NEBL: variants seen among roughly 807,000 people sequenced by gnomAD.
NEBL encodes nebulette.
Under a neutral mutation model 140.2 loss-of-function variants are expected in NEBL, and 122 were observed. That is an observed-to-expected ratio of 0.87 (90% CI 0.75 to 1.01). NEBL has a LOEUF of 1.01. NEBL is among the 50% of genes least tolerant of loss of function. NEBL has a pLI of 0.00. For synonymous variants in NEBL, 436 were observed against 398.9 expected (o/e 1.09, Z -1.11); for missense variants, 1,365 against 1,231.3 (o/e 1.11, Z -1.62).
chr10:21,201,580 T>C (rs933107484), intron 3 of NEBL, among the ~76,000 whole-genome samples: 1 of 148,880 alleles, frequency 6.7e-6, no homozygotes, highest in Admixed American at 7.9e-5. Context: ...GAATATGTAT[T>C]TTTTAAAAAG....
chr10:21,113,552 G>A (rs944306854), intron 2 of NEBL, among the ~76,000 whole-genome samples: 1 of 152,106 alleles, frequency 6.6e-6, no homozygotes, highest in African/African-American at 2.4e-5. Flanking sequence ...TTTCGTTTCT[G>A]TAACAGATGA....
chr10:21,111,994 C>T (rs1243336939), intron 2 of NEBL, among the ~76,000 whole-genome samples: 2 of 152,218 alleles, frequency 1.3e-5, no homozygotes, highest in Non-Finnish European at 2.9e-5. Context: ...AAAAAATGCT[C>T]ATCATCACTG....
At chr10:21,099,151 C>T (rs976153311) in intron 2 of NEBL, among the ~76,000 whole-genome samples, 1 of 152,122 alleles carries the variant, frequency 6.6e-6, no homozygotes, top group Non-Finnish European at 1.5e-5. Flanking sequence ...AAAATAAAAT[C>T]AAAACAGAGT....
intron 5 of NEBL, among the ~76,000 whole-genome samples, chr10:20,877,406 G>C (rs1004928650): frequency 6.6e-6 from 1 of 152,198 alleles, no homozygotes; most frequent in African/African-American, 2.4e-5. Context: ...TAGGAGTTAA[G>C]AATAAAGTAT....
chr10:21,270,698 C>T (rs529258537), intron 1 of NEBL, among the ~76,000 whole-genome samples: 1 of 152,250 alleles, frequency 6.6e-6, no homozygotes, highest in South Asian at 2.1e-4. Flanking sequence ...GTATATAGAT[C>T]TTATCTCACC....
At chr10:21,030,112 T>C (rs1833717148) in intron 2 of NEBL, 3 of 472,032 alleles carry the variant, frequency 6.4e-6, no homozygotes, top group South Asian at 3.9e-5. Context: ...AGCCCGTTGA[T>C]AGAGCTGCTA....
chr10:20,885,877 G>C (rs139650432), intron 4 of NEBL, among the ~76,000 whole-genome samples: 2 of 152,198 alleles, frequency 1.3e-5, no homozygotes, highest in Non-Finnish European at 2.9e-5. Flanking sequence ...CACCCATGCA[G>C]AACGTTGACA....
At position 20,781,481 on chromosome 10, in the gene NEBL, T is replaced by A. The variant is rs939856539; in HGVS notation, c.*4266A>T. The A allele has an allele frequency of 2.0e-5, 3 of 152,172 alleles. No individual in the cohort carries two copies. Among genetic ancestry groups the A allele is most frequent in the Admixed American group, 2.0e-4 (3 of 15,272 alleles). The allele number at this position is 152,172 out of a possible 1,614,324, so 9.4% of individuals were successfully genotyped here. A position where few individuals can be genotyped will look rare whatever the true frequency, so the allele number is the denominator to read the frequency against. ...AATTCATTGCATGGACACTGGAGAA[T>A]GGGACTGTGATGCAGTTTTCTCTTT... On this transcript the variant is annotated 3_prime_UTR_variant, in exon 28 of 28. Transcript: ENST00000377122.
At chr10:20,844,626 T>TGCAC (rs1207197426) in intron 12 of NEBL, among the ~76,000 whole-genome samples, 3 of 151,662 alleles carry the variant, frequency 2.0e-5, no homozygotes, top group African/African-American at 7.3e-5. Flanking sequence ...CACCATTATG[T>TGCAC]TTTTGGGGAA....
intron 3 of NEBL, among the ~76,000 whole-genome samples, chr10:21,188,739 C>T (rs1841521898): frequency 2.0e-5 from 3 of 151,778 alleles, no homozygotes; most frequent in Admixed American, 6.6e-5. Flanking sequence ...TACAGGCCCC[C>T]ACACCACAGC....
chr10:21,005,533 G>A (rs671024), intron 3 of NEBL, among the ~76,000 whole-genome samples: 5 of 152,088 alleles, frequency 3.3e-5, no homozygotes, highest in East Asian at 1.9e-4. Flanking sequence ...CCAAGAGTTC[G>A]AGACCAGCCT....
intron 1 of NEBL, among the ~76,000 whole-genome samples, chr10:21,287,946 G>A (rs1325866058): frequency 6.6e-6 from 1 of 152,164 alleles, no homozygotes; most frequent in Non-Finnish European, 1.5e-5. Context: ...CAGAGCATAT[G>A]TTCATATCCA....
Position 21,219,426 on chromosome 10 carries a change from C to T in NEBL, n.348+28495G>A, listed in dbSNP as rs181311808. Among the ~76,000 whole-genome samples the T allele has an allele frequency of 9.4e-3, 1,433 of 152,198 alleles. 15 individuals are homozygous for T. Among genetic ancestry groups the T allele is most frequent in the Non-Finnish European group, 0.013 (890 of 68,016 alleles). Reference sequence around the variant, plus strand: ...GTGTCTGTACTCCTAGACTCTATTACCATTTTTTTCCTCAAATAAGCTCAT... The same window carrying T: ...GTGTCTGTACTCCTAGACTCTATTATCATTTTTTTCCTCAAATAAGCTCAT... On this transcript the variant is annotated intron_variant and non_coding_transcript_variant, in intron 3 of 8. Coordinates refer to the NEBL transcript ENST00000675702.
intron 9 of NEBL, among the ~76,000 whole-genome samples, chr10:20,853,498 C>A (rs193224448): frequency 3.9e-5 from 6 of 152,224 alleles, no homozygotes; most frequent in Admixed American, 1.3e-4. Context: ...CGAGATCCTG[C>A]CATTTGCAAC....
intron 3 of NEBL, among the ~76,000 whole-genome samples, chr10:21,188,062 G>A (rs534095752): frequency 1.3e-5 from 2 of 152,256 alleles, no homozygotes; most frequent in East Asian, 3.9e-4. Context: ...CCCAATACCA[G>A]TTATCATGAA....
At chr10:21,143,309 C>T (rs772334936) in intron 2 of NEBL, among the ~76,000 whole-genome samples, 5 of 151,596 alleles carry the variant, frequency 3.3e-5, no homozygotes, top group East Asian at 1.9e-4. Flanking sequence ...ATTAGCTGGG[C>T]GTGGTGGTGG....
At chr10:21,119,899 T>C (rs1838453873) in intron 2 of NEBL, among the ~76,000 whole-genome samples, 1 of 152,102 alleles carries the variant, frequency 6.6e-6, no homozygotes, top group Non-Finnish European at 1.5e-5. Flanking sequence ...CCCCAGCCTT[T>C]CTGGTCTATA....
chr10:20,793,876 G>A (rs889835175), intron 26 of NEBL, among the ~76,000 whole-genome samples: 1 of 152,070 alleles, frequency 6.6e-6, no homozygotes, highest in South Asian at 2.1e-4. Flanking sequence ...TTTTTCAAAT[G>A]AGCAGCCACA....
intron 10 of NEBL, among the ~76,000 whole-genome samples, chr10:20,851,399 T>C (rs2131061573): frequency 6.6e-6 from 1 of 152,256 alleles, no homozygotes; most frequent in Admixed American, 6.5e-5. Flanking sequence ...TACCTATTTG[T>C]AGACATAATT....
Sources: gnomAD v4.1 joint callset for allele counts (sites outside exome capture counted in the v4.1 genomes callset) on GRCh38, gnomAD v4.1.1 for gene constraint, MANE v1.5 for transcripts, NCBI Gene and HGNC (gene_info 2026-07-23, HGNC 2026-07-21) for gene names.